The following HELZ2 variants were observed in gnomAD, a reference collection of about 807,000 sequenced individuals.
HELZ2 encodes the protein helicase with zinc finger 2, also known as 3'-5' exoribonuclease HELZ2.
Under a neutral mutation model 208.8 loss-of-function variants are expected in HELZ2, and 143 were observed. That is an observed-to-expected ratio of 0.68 (90% CI 0.60 to 0.79). The LOEUF (loss-of-function observed/expected upper bound fraction) is 0.79. Ranked by LOEUF, HELZ2 falls within the 30% of genes least tolerant of loss-of-function variation. The pLI is 0.00. For missense variants in HELZ2, 3,690 were observed against 3,794.5 expected, an observed-to-expected ratio of 0.97 and a Z score of 0.72; for synonymous variants, 1,705 against 1,693.7, an observed-to-expected ratio of 1.01 and a Z score of -0.16.
exon 1 of HELZ2, chr20:63,572,320 G>A: frequency 1.3e-6 from 2 of 1,586,610 alleles, no homozygotes; most frequent in Non-Finnish European, 1.7e-6. Flanking sequence ...CGCCATCAGG[G>A]GCAGGGGGTG....
chr20:63,567,466 C>G, exon 6 of HELZ2: 1 of 1,557,302 alleles, frequency 6.4e-7, no homozygotes, highest in Non-Finnish European at 8.7e-7. Flanking sequence ...TGTGGGCGGG[C>G]GGAAAGCCTG....
chr20:63,568,277 C>G, intron 5 of HELZ2, 81 bp downstream of exon 6: 6 of 1,066,204 alleles, frequency 5.6e-6, no homozygotes, highest in Non-Finnish European at 7.1e-6. Flanking sequence ...GACTGGAGCA[C>G]ATCCAGGGGG....
rs373652788 is a variant in HELZ2 at position 63,564,655 on chromosome 20, C to T, written c.4167G>A (p.Ala1389=). The change falls in exon 8 of 19, where the codon GCG becomes GCA. Residue 1389 remains alanine (A), a synonymous_variant. Transcript: ENST00000467148. ...CATAGAACGCAGCGCCCTGCCTTCG[C>T]GCCTCCACGTCCAGCACCCCGTCCC... is the stretch of plus-strand genomic sequence containing the variant. The T allele has an allele frequency of 1.7e-4, 268 of 1,571,244 alleles. No homozygotes were observed. Among genetic ancestry groups the T allele is most frequent in the Admixed American group, 4.3e-4 (23 of 54,066 alleles).
chr20:63,560,786 C>G lies in HELZ2; in HGVS notation c.7281+9G>C. On this transcript the variant is annotated intron_variant, in intron 15 of 18. Transcript: ENST00000467148. ...CAGGTGGGCTGGGGGCTGAGTGGGG[C>G]GGGCTCACCATGCGGTACTGAGTGT... 1 of 1,608,176 alleles carries G rather than the reference C, an allele frequency of 6.2e-7. No homozygotes were observed. Among genetic ancestry groups the G allele is most frequent in the South Asian group, 1.1e-5 (1 of 91,032 alleles).
At chr20:63,562,982 G>A in exon 8 of HELZ2, 8 of 1,596,864 alleles carry the variant, frequency 5.0e-6, no homozygotes, top group Non-Finnish European at 6.8e-6. Flanking sequence ...GGCGCAGAAT[G>A]GTTCCCACAC....
exon 8 of HELZ2, chr20:63,565,236 TCAGCACGCC>T: frequency 2.5e-6 from 4 of 1,608,232 alleles, no homozygotes; most frequent in Non-Finnish European, 3.4e-6. Flanking sequence ...CTCTTCCTCT[TCAGCACGCC>T]CAGCACGCGG....
intron 5 of HELZ2, 174 bp downstream of exon 6, chr20:63,568,184 C>T: frequency 3.2e-6 from 2 of 619,512 alleles, no homozygotes; most frequent in Admixed American, 3.0e-5. Flanking sequence ...TGACAGCAGA[C>T]CCGGCCACCC....
At position 63,569,515 on chromosome 20, in the gene HELZ2, C is replaced by A. The variant is rs760440967; in HGVS notation, c.721G>T (p.Val241Leu). 2.7e-5 allele frequency: 43 copies of A among 1,610,004 alleles called. No individual in the cohort carries two copies. The highest frequency in any genetic ancestry group is 3.6e-5 in the Non-Finnish European group (43 of 1,178,768). The change falls in exon 4 of 19, where the codon GTG becomes TTG. Residue 241 changes from valine (V) to leucine (L), a missense_variant. By Grantham distance (32) the Val-to-Leu change is conservative. Transcript: ENST00000467148. ...AAGGTGCCGAACGAGGCAGCCTGCA[C>A]ACGCACTCCCACCTGGAAGTCGGCA...
At position 63,570,750 on chromosome 20, in the gene HELZ2, C is replaced by T. The variant is rs776295297; in HGVS notation, c.397G>A (p.Gly133Arg). 5.6e-6 allele frequency: 9 copies of T among 1,610,128 alleles called. No homozygotes were observed. The South Asian group carries it at 6.6e-5, about 12-fold the overall frequency. The change falls in exon 2 of 19, where the codon GGG becomes AGG. Residue 133 changes from glycine (G) to arginine (R), a missense_variant. Gly to Arg is a moderately radical substitution (Grantham distance 125). Around this residue, in one of 3 missense-constraint regions of HELZ2, gnomAD observed 1,119 missense variants for 1,193.4 expected, o/e 0.94. Transcript: ENST00000467148. ...AGCCGCTCCTGGTAGGGCACCAGCC[C>T]GTCCTGCCAGGCCGCCTGCCCCCGC...
Position 63,562,706 on chromosome 20 carries a change from G to A in HELZ2, c.6116C>T (p.Thr2039Met), listed in dbSNP as rs767343927. 1.4e-5 allele frequency: 23 copies of A among 1,600,054 alleles called. No individual in the cohort carries two copies. The highest frequency in any genetic ancestry group is 1.9e-5 in the Non-Finnish European group (22 of 1,174,612). The stretch of plus-strand genomic sequence containing the variant: ...CTGCCCGTGGGCCACCCAGGTATAC[G>A]TGCCGGGGTCAACATTCAGGCCAGG... The change falls in exon 8 of 19, where the codon ACG (threonine) becomes ATG (methionine). Residue 2039 changes from threonine (T) to methionine (M), a missense_variant. Physicochemically the swap from Thr to Met is moderately conservative, Grantham distance 81. Around this residue, in one of 3 missense-constraint regions of HELZ2, gnomAD observed 2,564 missense variants for 2,580.5 expected, o/e 0.99. Coordinates refer to ENST00000467148, the Ensembl canonical transcript of HELZ2.
chr20:63,565,893 C>A (rs774457768), exon 8 of HELZ2: 5 of 1,597,092 alleles, frequency 3.1e-6, no homozygotes, highest in Non-Finnish European at 3.4e-6. Flanking sequence ...GGCTCTGGGG[C>A]AGCCTCCCAG....
chr20:63,566,802 C>G, intron 6 of HELZ2, 42 bp downstream of exon 7: 1 of 1,535,266 alleles, frequency 6.5e-7, no homozygotes, highest in Non-Finnish European at 8.8e-7. Context: ...CCTCCCCCAG[C>G]AGGGGTGCGG....
At chr20:63,559,242 C>T (rs368171768) in exon 19 of HELZ2, 33 of 1,544,182 alleles carry the variant, frequency 2.1e-5, no homozygotes, top group Non-Finnish European at 2.8e-5. Context: ...GTGGAGAGGG[C>T]TCTTCAGGAA....
At chr20:63,573,545 G>A (rs1235617759), upstream of HELZ2, among the ~76,000 whole-genome samples, 5 of 152,024 alleles carry the variant, frequency 3.3e-5, no homozygotes, top group Admixed American at 3.3e-4. The surrounding 1 kb of genome is among the most constrained non-coding windows in gnomAD (Gnocchi z 4.9). Context: ...CAGAGCCCTT[G>A]GCACAGTGCC....
chr20:63,567,310 T>A, exon 6 of HELZ2: 1 of 1,610,014 alleles, frequency 6.2e-7, no homozygotes, highest in Non-Finnish European at 8.5e-7. Context: ...GTGCGAGGCA[T>A]AGGCCAGCGG....
At chr20:63,567,010 C>T in exon 6 of HELZ2, 1 of 1,611,114 alleles carries the variant, frequency 6.2e-7, no homozygotes, top group South Asian at 1.1e-5. Flanking sequence ...CGCCACGTGG[C>T]AGAACATGAG....
exon 8 of HELZ2, chr20:63,565,173 C>T: frequency 6.2e-7 from 1 of 1,601,966 alleles, no homozygotes; most frequent in Non-Finnish European, 8.5e-7. Flanking sequence ...TTGATGGGGA[C>T]CATGATGCGC....
At chr20:63,567,681 C>T (rs770908126) in intron 5 of HELZ2, 54 bp from the exon 7 acceptor site, 46 of 1,544,454 alleles carry the variant, frequency 3.0e-5, no homozygotes, top group Admixed American at 9.5e-5. Context: ...CAGTGCTGTC[C>T]GCTAAAGCAC....
chr20:63,563,743 A>G, exon 8 of HELZ2: 1 of 1,600,354 alleles, frequency 6.2e-7, no homozygotes, highest in East Asian at 2.2e-5. Context: ...CAGAGCCCCC[A>G]TGGCCCAGCG....
Sources: allele counts gnomAD v4.1 joint callset (sites outside exome capture counted in the v4.1 genomes callset), GRCh38; gene constraint gnomAD v4.1.1; regional missense constraint gnomAD v4.1.1; non-coding constraint Gnocchi (gnomAD v3.1); transcripts MANE v1.5; gene names NCBI Gene and HGNC (gene_info 2026-07-23, HGNC 2026-07-21).